Variants in PLPPR1 observed in about 807,000 individuals in gnomAD.
The protein encoded by PLPPR1 is phospholipid phosphatase-related protein type 1.
A neutral mutation model predicts 33.1 loss-of-function variants in PLPPR1; 10 were observed. The observed-to-expected ratio is 0.30, with a 90% CI of 0.19 to 0.51. The LOEUF is 0.51. PLPPR1 is among the 20% of genes least tolerant of loss of function. PLPPR1 has a pLI of 0.97. For synonymous variants in PLPPR1, 151 were observed against 151.0 expected, an observed-to-expected ratio of 1.00 and a Z score of 0.00; for missense variants, 304 against 408.1, an observed-to-expected ratio of 0.74 and a Z score of 2.20.
chr9:101,299,423 T>G (rs1828706946), intron 4 of PLPPR1, among the ~76,000 whole-genome samples: 1 of 152,110 alleles, frequency 6.6e-6, no homozygotes, highest in African/African-American at 2.4e-5. Flanking sequence ...GGAGCAACCT[T>G]TGCTTGGGTC....
intron 1 of PLPPR1, among the ~76,000 whole-genome samples, chr9:101,160,248 A>T (rs1300301599): frequency 6.6e-6 from 1 of 152,148 alleles, no homozygotes; most frequent in African/African-American, 2.4e-5. Flanking sequence ...ATTTTTCCTT[A>T]GTTGCTTCAT....
intron 2 of PLPPR1, among the ~76,000 whole-genome samples, chr9:101,250,631 C>A (rs1333982977): frequency 6.6e-6 from 1 of 152,016 alleles, no homozygotes; most frequent in Non-Finnish European, 1.5e-5. Context: ...TAAAATTAAT[C>A]CACTTGGAAA....
At chr9:101,156,124 T>C (rs1044042691) in intron 1 of PLPPR1, among the ~76,000 whole-genome samples, 6 of 152,152 alleles carry the variant, frequency 3.9e-5, no homozygotes, top group Admixed American at 2.0e-4. Context: ...AAGATGGGAA[T>C]TCAGCATATA....
At chr9:101,040,124 C>T (rs966496803) in intron 1 of PLPPR1, among the ~76,000 whole-genome samples, 3 of 151,986 alleles carry the variant, frequency 2.0e-5, no homozygotes, top group Non-Finnish European at 2.9e-5. Context: ...AAACTTCAGC[C>T]CTCTTTGTCT....
At chr9:101,282,948 G>A (rs1828329867) in intron 3 of PLPPR1, among the ~76,000 whole-genome samples, 1 of 152,128 alleles carries the variant, frequency 6.6e-6, no homozygotes, top group Non-Finnish European at 1.5e-5. Flanking sequence ...CTGTTAAAAT[G>A]TTTAATACTA....
chr9:101,315,643 C>T (rs16920142), intron 6 of PLPPR1, among the ~76,000 whole-genome samples: 5,497 of 152,208 alleles, frequency 0.036, 340 homozygotes, highest in African/African-American at 0.12. Flanking sequence ...ATGGCCTTTA[C>T]GTAAGACCCA....
chr9:101,296,783 C>T (rs1828650918), intron 4 of PLPPR1, among the ~76,000 whole-genome samples: 1 of 150,852 alleles, frequency 6.6e-6, no homozygotes, highest in Non-Finnish European at 1.5e-5. Context: ...ACATCACACT[C>T]TGGGGACTGT....
intron 2 of PLPPR1, among the ~76,000 whole-genome samples, chr9:101,250,874 C>T (rs1215924125): frequency 6.6e-6 from 1 of 152,062 alleles, no homozygotes; most frequent in Non-Finnish European, 1.5e-5. Flanking sequence ...AGCACCTCCC[C>T]TATTCTTTGG....
At chr9:101,294,078 G>T (rs1354535675) in intron 4 of PLPPR1, among the ~76,000 whole-genome samples, 1 of 152,040 alleles carries the variant, frequency 6.6e-6, no homozygotes, top group Non-Finnish European at 1.5e-5. Context: ...AAGAAGAAAA[G>T]AGAAGAATCA....
chr9:101,147,915 T>A (rs1831539363), intron 1 of PLPPR1, among the ~76,000 whole-genome samples: 1 of 152,186 alleles, frequency 6.6e-6, no homozygotes, highest in Non-Finnish European at 1.5e-5. Flanking sequence ...TATGGTCAAG[T>A]CCAAGGGGCT....
At chr9:101,233,436 G>A (rs368277792) in intron 2 of PLPPR1, among the ~76,000 whole-genome samples, 6 of 151,972 alleles carry the variant, frequency 3.9e-5, no homozygotes, top group African/African-American at 1.4e-4. Flanking sequence ...CCTGTGCCTT[G>A]GGCCCTACCA....
intron 1 of PLPPR1, among the ~76,000 whole-genome samples, chr9:101,088,123 T>G (rs192291224): frequency 1.5e-4 from 23 of 152,292 alleles, no homozygotes; most frequent in Admixed American, 1.5e-3. Flanking sequence ...AATTCTACCC[T>G]CCTTATCCTC....
intron 4 of PLPPR1, among the ~76,000 whole-genome samples, chr9:101,308,251 C>G (rs908629928): frequency 3.3e-5 from 5 of 152,106 alleles, no homozygotes; most frequent in African/African-American, 1.2e-4. Context: ...AAGAGACAGG[C>G]AGGAGGCTCA....
At chr9:101,033,708 G>A (rs542694271) in intron 1 of PLPPR1, among the ~76,000 whole-genome samples, 1 of 152,208 alleles carries the variant, frequency 6.6e-6, no homozygotes, top group Non-Finnish European at 1.5e-5. Context: ...ATGCCTCCAC[G>A]TGGAATCCTA....
chr9:101,187,757 A>T (rs1826228364), intron 2 of PLPPR1: 1 of 152,030 alleles, frequency 6.6e-6, no homozygotes, highest in Non-Finnish European at 1.5e-5. Context: ...GAAAGAATTT[A>T]ATCACAGAAA....
chr9:101,069,975 T>C (rs959282788), intron 1 of PLPPR1, among the ~76,000 whole-genome samples: 2 of 152,108 alleles, frequency 1.3e-5, no homozygotes, highest in Non-Finnish European at 2.9e-5. Flanking sequence ...ATAGTGCTGT[T>C]CTACCCATAT....
chr9:101,108,403 T>A (rs1022259144), intron 1 of PLPPR1, among the ~76,000 whole-genome samples: 3 of 152,222 alleles, frequency 2.0e-5, no homozygotes, highest in Admixed American at 6.5e-5. Context: ...GCTCAATAGA[T>A]GTTTGTTGAA....
At chr9:101,207,359 A>T (rs901243556) in intron 2 of PLPPR1, among the ~76,000 whole-genome samples, 2 of 152,222 alleles carry the variant, frequency 1.3e-5, no homozygotes, top group African/African-American at 4.8e-5. Context: ...CTTTAGTTGT[A>T]CCTAAATTGG....
chr9:101,050,833 A>T (rs1588007523), intron 1 of PLPPR1, among the ~76,000 whole-genome samples: 3 of 152,162 alleles, frequency 2.0e-5, no homozygotes, highest in Admixed American at 6.5e-5. Context: ...AAAACCTGAA[A>T]TTCTGAAACC....
Sources: allele counts gnomAD v4.1 joint callset (sites outside exome capture counted in the v4.1 genomes callset), GRCh38; gene constraint gnomAD v4.1.1; transcripts MANE v1.5; gene names NCBI Gene and HGNC (gene_info 2026-07-23, HGNC 2026-07-21).